GPT2: variants seen among roughly 807,000 people sequenced by gnomAD.
GPT2 encodes the protein glutamic--pyruvic transaminase 2.
Under a neutral mutation model 56.9 loss-of-function variants are expected in GPT2, and 30 were observed. The observed-to-expected ratio is 0.53, with a 90% CI of 0.39 to 0.72. The LOEUF (loss-of-function observed/expected upper bound fraction) is 0.72. GPT2 is among the 30% of genes least tolerant of loss of function. The pLI, the probability that GPT2 is intolerant of heterozygous loss-of-function variation, is 0.00. For synonymous variants in GPT2, 271 were observed against 283.1 expected (o/e 0.96, Z 0.43); for missense variants, 542 against 703.4 (o/e 0.77, Z 2.60).
At chr16:46,923,922 A>C in intron 9 of GPT2, 1 of 277,556 alleles carries the variant, frequency 3.6e-6, no homozygotes, top group Non-Finnish European at 7.1e-6. Flanking sequence ...GGTTTTTCTC[A>C]TTTTCTGGAA....
intron 4 of GPT2, among the ~76,000 whole-genome samples, chr16:46,901,519 T>C (rs1322024890): frequency 6.6e-6 from 1 of 152,254 alleles, no homozygotes; most frequent in African/African-American, 2.4e-5. Flanking sequence ...TTATTTCTGC[T>C]GGTTCCTTCA....
chr16:46,915,257 A>G (rs1368277101), intron 6 of GPT2: 2 of 152,162 alleles, frequency 1.3e-5, no homozygotes, highest in Non-Finnish European at 2.9e-5. Context: ...TCTGTTCTGC[A>G]GCACAGACAT....
chr16:46,909,369 T>G (rs1960997820), intron 5 of GPT2, among the ~76,000 whole-genome samples: 1 of 152,128 alleles, frequency 6.6e-6, no homozygotes, highest in Non-Finnish European at 1.5e-5. Flanking sequence ...CAGGCTGGTC[T>G]CGAACTCTTG....
intron 2 of GPT2, chr16:46,885,573 C>T (rs1596856280): frequency 1.0e-6 from 1 of 984,190 alleles, no homozygotes; most frequent in Non-Finnish European, 1.2e-6. Context: ...GGGACAGTCA[C>T]CGAGGTGGGG....
chr16:46,915,145 A>C (rs901131474), intron 6 of GPT2, among the ~76,000 whole-genome samples: 6 of 151,952 alleles, frequency 3.9e-5, no homozygotes, highest in African/African-American at 1.5e-4. Flanking sequence ...TCCTGGGCTC[A>C]AGCGGTCCTC....
chr16:46,886,049 G>A (rs961572776), intron 2 of GPT2, among the ~76,000 whole-genome samples: 22 of 152,078 alleles, frequency 1.4e-4, no homozygotes, highest in African/African-American at 4.6e-4. Context: ...ATGAGCTCCT[G>A]GGCCTCCTGA....
At position 46,906,933 on chromosome 16, in the gene GPT2, C is replaced by T. The variant is rs1047724320; in HGVS notation, c.534C>T (p.Pro178=). The T allele has an allele frequency of 2.5e-6, 4 of 1,614,062 alleles. No homozygotes were observed. Among genetic ancestry groups the T allele is most frequent in the East Asian group, 2.2e-5 (1 of 44,896 alleles). The part of the protein sequence containing the change: ...TRRDGGVPAD[P]DNIYLTTGAS... ...GGGATGGCGGTGTGCCTGCGGACCC[C>T]GACAACATCTACCTGACCACGGGAG... is the stretch of plus-strand genomic sequence containing the variant. The change falls in exon 5 of 12, where the codon CCC becomes CCT. Residue 178 remains proline (P), a synonymous_variant. Coordinates refer to ENST00000340124, the MANE Select transcript of GPT2 (RefSeq NM_133443.4).
intron 9 of GPT2, among the ~76,000 whole-genome samples, chr16:46,923,091 G>C (rs1961326669): frequency 6.6e-6 from 1 of 151,930 alleles, no homozygotes; most frequent in African/African-American, 2.4e-5. Flanking sequence ...ACCCTACCCT[G>C]CCCTCCCCTT....
intron 4 of GPT2, 79 bp from the exon 5 acceptor site, chr16:46,906,763 A>C (rs1960938523): frequency 3.2e-6 from 5 of 1,570,834 alleles, no homozygotes; most frequent in Non-Finnish European, 4.4e-6. Flanking sequence ...CATCCCTCTA[A>C]TTATATGGAT....
chr16:46,902,380 A>C (rs1182994311), intron 4 of GPT2, among the ~76,000 whole-genome samples: 1 of 152,110 alleles, frequency 6.6e-6, no homozygotes, highest in Non-Finnish European at 1.5e-5. Flanking sequence ...AGGAAGGTTC[A>C]TGTGTGCTAA....
intron 6 of GPT2, among the ~76,000 whole-genome samples, chr16:46,914,580 G>C (rs1415660794): frequency 1.3e-5 from 2 of 152,190 alleles, no homozygotes; most frequent in Non-Finnish European, 2.9e-5. Context: ...AGTGTTCTCT[G>C]TTAGCGTTGA....
At chr16:46,907,285 A>G (rs1960949617) in intron 5 of GPT2, among the ~76,000 whole-genome samples, 1 of 152,260 alleles carries the variant, frequency 6.6e-6, no homozygotes, top group Non-Finnish European at 1.5e-5. Flanking sequence ...CTCCTGTGCC[A>G]GGTGCTGGGG....
Position 46,909,941 on chromosome 16 carries a change from T to C in GPT2, c.820+14T>C. On this transcript the variant is annotated intron_variant, in intron 6 of 11. Coordinates refer to ENST00000340124, the MANE Select transcript of GPT2 (RefSeq NM_133443.4). Reference sequence around the variant, plus strand: ...GGAACCCCACAGGTCTGCACTTTACTTCCTCACCAGTTTCGTAGAGGGTGG... The same window carrying C: ...GGAACCCCACAGGTCTGCACTTTACCTCCTCACCAGTTTCGTAGAGGGTGG... 6.3e-7 allele frequency: 1 copy of C among 1,580,990 alleles called. No homozygotes were observed. Among genetic ancestry groups the C allele is most frequent in the Non-Finnish European group, 8.6e-7 (1 of 1,158,498 alleles).
chr16:46,898,515 C>A (rs1319642347), intron 3 of GPT2, among the ~76,000 whole-genome samples: 1 of 152,130 alleles, frequency 6.6e-6, no homozygotes, highest in Non-Finnish European at 1.5e-5. Flanking sequence ...TCTAGAAGGA[C>A]TGAGGCCTGT....
intron 2 of GPT2, among the ~76,000 whole-genome samples, chr16:46,897,243 C>G (rs902836824): frequency 6.6e-6 from 1 of 152,040 alleles, no homozygotes; most frequent in African/African-American, 2.4e-5. Context: ...TGTGGTGGTG[C>G]ACGTCTGTAA....
intron 2 of GPT2, among the ~76,000 whole-genome samples, chr16:46,891,274 G>A (rs751993895): frequency 2.6e-5 from 4 of 151,384 alleles, no homozygotes; most frequent in Non-Finnish European, 5.9e-5. Flanking sequence ...ACGGAGTCTC[G>A]CTCTGTTGCC....
chr16:46,907,490 C>T (rs751410154), intron 5 of GPT2, among the ~76,000 whole-genome samples: 2 of 152,162 alleles, frequency 1.3e-5, no homozygotes, highest in African/African-American at 2.4e-5. Context: ...CAAGGAAGGC[C>T]GAGTAGACAC....
intron 8 of GPT2, among the ~76,000 whole-genome samples, chr16:46,919,305 G>C (rs1488354775): frequency 1.3e-5 from 2 of 152,244 alleles, no homozygotes; most frequent in Admixed American, 6.5e-5. Flanking sequence ...TCTAGTGAGG[G>C]GGGAGAGCTG....
chr16:46,905,628 A>T (rs1379515690), intron 4 of GPT2, among the ~76,000 whole-genome samples: 1 of 152,240 alleles, frequency 6.6e-6, no homozygotes, highest in East Asian at 1.9e-4. Flanking sequence ...GTCTTCTTCC[A>T]GAGAGATCTT....
Sources: allele counts gnomAD v4.1 joint callset (sites outside exome capture counted in the v4.1 genomes callset), GRCh38; gene constraint gnomAD v4.1.1; transcripts MANE v1.5; gene names NCBI Gene and HGNC (gene_info 2026-07-23, HGNC 2026-07-21).